The following SUFU variants were observed in gnomAD, a reference collection of about 807,000 sequenced individuals.
SUFU encodes the protein suppressor of fused homolog.
In SUFU, 7 loss-of-function variants were observed where a neutral mutation model predicts 58.9. The ratio of observed to expected loss-of-function variants is 0.12; its 90% CI spans 0.07 to 0.22. SUFU has a LOEUF of 0.22. Ranked by LOEUF, SUFU falls within the 10% of genes least tolerant of loss-of-function variation. The probability of loss-of-function intolerance (pLI) is 1.00; values close to 1 mark genes in which losing one functional copy is unlikely to be tolerated. For missense variants in SUFU, 451 were observed against 641.3 expected, an observed-to-expected ratio of 0.70 and a Z score of 3.20; for synonymous variants, 232 against 254.8, an observed-to-expected ratio of 0.91 and a Z score of 0.85.
At chr10:102,623,785 CAAA>C (rs1303565762) in intron 10 of SUFU, among the ~76,000 whole-genome samples, 1 of 152,138 alleles carries the variant, frequency 6.6e-6, no homozygotes, top group Admixed American at 6.6e-5. Flanking sequence ...ACTAAAAATA[CAAA>C]AATTAGCCGG....
At position 102,507,290 on chromosome 10, in the gene SUFU, C is replaced by T. The variant is rs1679182916; in HGVS notation, c.183-1879C>T. 3.3e-5 allele frequency among the ~76,000 whole-genome samples: 5 copies of T among 152,118 alleles called. No individual in the cohort carries two copies. The South Asian group carries it at 1.0e-3, about 31-fold the overall frequency. On this transcript the variant is annotated intron_variant, in intron 1 of 11. Coordinates refer to ENST00000369902, the MANE Select transcript of SUFU (RefSeq NM_016169.4). ...GAGAATGGTAAACACAGTTTTGCAG[C>T]TTGGTGCAGGATGGACCTAGGCTGT... is the stretch of plus-strand genomic sequence containing the variant.
Position 102,551,008 on chromosome 10 carries a change from G to C in SUFU, c.454+902G>C, listed in dbSNP as rs150249909. Among the ~76,000 whole-genome samples the C allele has an allele frequency of 4.7e-3, 712 of 152,262 alleles. 3 individuals carry two copies. Among genetic ancestry groups the C allele is most frequent in the Non-Finnish European group, 6.1e-3 (417 of 68,016 alleles). On this transcript the variant is annotated intron_variant, in intron 3 of 11. Transcript: ENST00000369902. ...ATCTGCCCGCCTCGCCTCCCAAAGTGCTGGGATTGTAGGCATGGGCCACCG... is the reference window on the plus strand; with the variant it reads ...ATCTGCCCGCCTCGCCTCCCAAAGTCCTGGGATTGTAGGCATGGGCCACCG...
chr10:102,618,829 A>T (rs1012585922), intron 10 of SUFU, among the ~76,000 whole-genome samples: 2 of 151,952 alleles, frequency 1.3e-5, no homozygotes, highest in Non-Finnish European at 2.9e-5. Flanking sequence ...GAGAACAGGG[A>T]GGGAGCAGGC....
intron 3 of SUFU, among the ~76,000 whole-genome samples, chr10:102,561,609 A>G (rs2063037685): frequency 6.6e-6 from 1 of 150,832 alleles, no homozygotes; most frequent in Non-Finnish European, 1.5e-5. Flanking sequence ...CCTTGGCCAG[A>G]GAGATTGGTT....
chr10:102,614,769 G>A (rs2063667170), intron 8 of SUFU, among the ~76,000 whole-genome samples: 1 of 151,778 alleles, frequency 6.6e-6, no homozygotes, highest in Admixed American at 6.6e-5. Context: ...CCAGCTACTC[G>A]GGAGGCTAAG....
At chr10:102,577,606 T>C (rs945438919) in intron 3 of SUFU, among the ~76,000 whole-genome samples, 2 of 152,110 alleles carry the variant, frequency 1.3e-5, no homozygotes, top group Non-Finnish European at 2.9e-5. Context: ...CCCAAAGTGC[T>C]AGGATTACAG....
intron 2 of SUFU, among the ~76,000 whole-genome samples, chr10:102,528,958 TTTC>T (rs1223754221): frequency 1.9e-5 from 2 of 105,462 alleles, no homozygotes; most frequent in Non-Finnish European, 4.5e-5. Context: ...GCTTTTTTCC[TTTC>T]TTTTTTTTTT....
chr10:102,614,146 C>T (rs989235378), intron 8 of SUFU, among the ~76,000 whole-genome samples: 5 of 152,188 alleles, frequency 3.3e-5, no homozygotes, highest in African/African-American at 4.8e-5. Context: ...CTCTTGGAGC[C>T]GCATCTCATG....
At chr10:102,553,921 C>G (rs945983082) in intron 3 of SUFU, among the ~76,000 whole-genome samples, 1 of 152,176 alleles carries the variant, frequency 6.6e-6, no homozygotes, top group Non-Finnish European at 1.5e-5. Context: ...TAAGGATATT[C>G]TGTCTCTACA....
chr10:102,502,880 T>C (rs1304107007), upstream of SUFU, among the ~76,000 whole-genome samples: 1 of 152,246 alleles, frequency 6.6e-6, no homozygotes, highest in Non-Finnish European at 1.5e-5. Context: ...CGCAGTACCC[T>C]GGGATTTGTG....
intron 2 of SUFU, among the ~76,000 whole-genome samples, chr10:102,518,336 TC>T (rs1338587768): frequency 1.3e-5 from 2 of 152,146 alleles, no homozygotes; most frequent in Non-Finnish European, 2.9e-5. Flanking sequence ...AGTCACCACC[TC>T]CTTTTTCTAC....
intron 2 of SUFU, among the ~76,000 whole-genome samples, chr10:102,523,618 C>T (rs1413172911): frequency 6.6e-6 from 1 of 152,226 alleles, no homozygotes; most frequent in Non-Finnish European, 1.5e-5. Context: ...TCTAGCTTTT[C>T]CCATATATCA....
intron 2 of SUFU, among the ~76,000 whole-genome samples, chr10:102,524,178 T>C (rs1462353614): frequency 6.6e-6 from 1 of 152,064 alleles, no homozygotes; most frequent in Non-Finnish European, 1.5e-5. Context: ...TAAAAAGTTA[T>C]ATATATTTGT....
intron 9 of SUFU, among the ~76,000 whole-genome samples, chr10:102,616,551 C>G (rs914339158): frequency 2.6e-5 from 4 of 152,224 alleles, no homozygotes; most frequent in Non-Finnish European, 2.9e-5. Flanking sequence ...CAGGGCCTTT[C>G]AACTGGTGAA....
intron 2 of SUFU, among the ~76,000 whole-genome samples, chr10:102,509,821 C>T (rs546701493): frequency 6.6e-6 from 1 of 151,980 alleles, no homozygotes; most frequent in Admixed American, 6.6e-5. Context: ...TTATCTTAGT[C>T]TGCTTCCGTT....
At chr10:102,554,639 A>G (rs983654552) in intron 3 of SUFU, among the ~76,000 whole-genome samples, 2 of 152,158 alleles carry the variant, frequency 1.3e-5, no homozygotes, top group Admixed American at 6.5e-5. Flanking sequence ...GTCTGAACTC[A>G]TTGCTAATAG....
At chr10:102,566,409 C>T (rs2081992314) in intron 3 of SUFU, among the ~76,000 whole-genome samples, 1 of 152,092 alleles carries the variant, frequency 6.6e-6, no homozygotes, top group Non-Finnish European at 1.5e-5. Context: ...ATGGGTGGAT[C>T]ACCTGAGGTC....
chr10:102,559,380 AG>A (rs2063012323), intron 3 of SUFU, among the ~76,000 whole-genome samples: 1 of 152,186 alleles, frequency 6.6e-6, no homozygotes, highest in African/African-American at 2.4e-5. Flanking sequence ...TCCCCACCTA[AG>A]AAGCCCCAGC....
At position 102,619,174 on chromosome 10, in the gene SUFU, C is replaced by G; in HGVS notation, c.1296+1746C>G. 5.6e-6 allele frequency: 9 copies of G among 1,609,426 alleles called. No homozygotes were observed. The highest frequency in any genetic ancestry group is 6.8e-6 in the Non-Finnish European group (8 of 1,179,510). On this transcript the variant is annotated intron_variant, in intron 10 of 11. Coordinates refer to ENST00000369902, the MANE Select transcript of SUFU (RefSeq NM_016169.4). The surrounding 1 kb of genome is among the most constrained non-coding windows in gnomAD (Gnocchi z 4.2). ...TTCAGCAGCTCAAGAACCTTGGCCC[C>G]CACAGGACTTCGCAGATGTCACATT...
Sources: gnomAD v4.1 joint callset for allele counts (sites outside exome capture counted in the v4.1 genomes callset) on GRCh38, gnomAD v4.1.1 for gene constraint, Gnocchi (gnomAD v3.1) non-coding constraint, MANE v1.5 for transcripts, NCBI Gene and HGNC (gene_info 2026-07-23, HGNC 2026-07-21) for gene names.